SYNPR: variants seen among roughly 807,000 people sequenced by gnomAD.
The protein encoded by SYNPR is synaptoporin.
A neutral mutation model predicts 32.9 loss-of-function variants in SYNPR; 23 were observed. The observed-to-expected ratio is 0.70, with a 90% CI of 0.50 to 0.99. SYNPR has a LOEUF of 0.99. Among genes scored for constraint, SYNPR ranks in the 50% least tolerant of loss-of-function variants. The pLI is 0.00. For synonymous variants in SYNPR, 146 were observed against 135.9 expected, an observed-to-expected ratio of 1.07 and a Z score of -0.52; for missense variants, 318 against 349.3, an observed-to-expected ratio of 0.91 and a Z score of 0.71.
At chr3:63,546,188 G>A (rs1702399464) in intron 3 of SYNPR, among the ~76,000 whole-genome samples, 2 of 152,222 alleles carry the variant, frequency 1.3e-5, no homozygotes, top group East Asian at 3.9e-4. Context: ...TATTTGAAGA[G>A]CCAAAATTAA....
At chr3:63,404,686 T>A (rs2088337050) in intron 2 of SYNPR, among the ~76,000 whole-genome samples, 1 of 152,136 alleles carries the variant, frequency 6.6e-6, no homozygotes, top group Non-Finnish European at 1.5e-5. Context: ...TTAATTATAT[T>A]TATTTTCAAG....
At chr3:63,591,775 G>T (rs1213627939) in intron 4 of SYNPR, among the ~76,000 whole-genome samples, 25 of 119,556 alleles carry the variant, frequency 2.1e-4, no homozygotes, top group African/African-American at 7.7e-4. Flanking sequence ...ATGGACACAG[G>T]AAGGGGAATA....
chr3:63,458,591 G>C (rs1417060311), intron 2 of SYNPR, among the ~76,000 whole-genome samples: 3 of 152,124 alleles, frequency 2.0e-5, no homozygotes, highest in Non-Finnish European at 4.4e-5. Flanking sequence ...GGAACTCAGA[G>C]AATGCCACTT....
intron 3 of SYNPR, among the ~76,000 whole-genome samples, chr3:63,517,873 T>C (rs564803322): frequency 5.2e-4 from 79 of 152,260 alleles, no homozygotes; most frequent in Non-Finnish European, 2.1e-4. Context: ...TCTCTGTCCC[T>C]AAGAATTCAT....
chr3:63,307,132 T>C (rs1443920168), intron 2 of SYNPR, among the ~76,000 whole-genome samples: 1 of 151,986 alleles, frequency 6.6e-6, no homozygotes, highest in Non-Finnish European at 1.5e-5. Context: ...CCAAATTAGT[T>C]TTCACAATAA....
intron 2 of SYNPR, among the ~76,000 whole-genome samples, chr3:63,438,104 G>A (rs1700115858): frequency 6.6e-6 from 1 of 152,124 alleles, no homozygotes; most frequent in Admixed American, 6.6e-5. Flanking sequence ...CTTTGCTTTG[G>A]GCTGAGGATA....
intron 2 of SYNPR, among the ~76,000 whole-genome samples, chr3:63,261,403 C>T (rs1250146702): frequency 1.3e-5 from 2 of 151,668 alleles, no homozygotes; most frequent in African/African-American, 4.9e-5. Context: ...ATGATGAGTT[C>T]ATGTCCTTTG....
At chr3:63,416,392 C>T (rs779875014) in intron 2 of SYNPR, among the ~76,000 whole-genome samples, 35 of 152,014 alleles carry the variant, frequency 2.3e-4, no homozygotes, top group East Asian at 9.7e-4. Context: ...ATTAGCCAGG[C>T]GTGGTGGTGC....
chr3:63,568,808 A>G (rs954399133), intron 4 of SYNPR, among the ~76,000 whole-genome samples: 2 of 152,198 alleles, frequency 1.3e-5, no homozygotes, highest in Non-Finnish European at 2.9e-5. Context: ...AGCACATTCT[A>G]GACTTTCCGG....
chr3:63,529,135 G>T (rs1405941248), intron 3 of SYNPR, among the ~76,000 whole-genome samples: 1 of 152,186 alleles, frequency 6.6e-6, no homozygotes, highest in Non-Finnish European at 1.5e-5. Flanking sequence ...CACATAGAAG[G>T]AAGACAGTCA....
At chr3:63,530,258 C>CT (rs923443022) in intron 3 of SYNPR, among the ~76,000 whole-genome samples, 7 of 152,098 alleles carry the variant, frequency 4.6e-5, no homozygotes, top group South Asian at 2.1e-4. Flanking sequence ...CCTATTCTGC[C>CT]TTTTTTGTAG....
At chr3:63,297,856 G>A (rs1203521504) in intron 2 of SYNPR, among the ~76,000 whole-genome samples, 1 of 152,064 alleles carries the variant, frequency 6.6e-6, no homozygotes, top group Non-Finnish European at 1.5e-5. Context: ...ATGAGTCATG[G>A]GTCCAGGTGG....
chr3:63,275,610 T>C (rs147563168), upstream of SYNPR, among the ~76,000 whole-genome samples: 784 of 152,290 alleles, frequency 5.1e-3, 6 homozygotes, highest in African/African-American at 0.017. Context: ...AAGTAGGCAA[T>C]ATTTTAAATA....
At chr3:63,450,903 A>G (rs1338860797) in intron 2 of SYNPR, among the ~76,000 whole-genome samples, 2 of 152,158 alleles carry the variant, frequency 1.3e-5, no homozygotes, top group Non-Finnish European at 2.9e-5. Flanking sequence ...GCCAAGATAA[A>G]AGGCCTTTCA....
At chr3:63,231,259 T>A (rs1054439045) in intron 1 of SYNPR, among the ~76,000 whole-genome samples, 1 of 152,140 alleles carries the variant, frequency 6.6e-6, no homozygotes, top group African/African-American at 2.4e-5. Flanking sequence ...TAAAACCACT[T>A]ATAAGTGGGA....
intron 4 of SYNPR, among the ~76,000 whole-genome samples, chr3:63,608,647 C>G (rs1349137297): frequency 6.6e-6 from 1 of 152,072 alleles, no homozygotes; most frequent in Non-Finnish European, 1.5e-5. Context: ...AATCTTAAAC[C>G]ATTAGCAGAT....
At chr3:63,434,804 G>C (rs762225255) in intron 2 of SYNPR, among the ~76,000 whole-genome samples, 2 of 152,164 alleles carry the variant, frequency 1.3e-5, no homozygotes, top group Non-Finnish European at 2.9e-5. Flanking sequence ...AAAACAAACA[G>C]ATGTATCTCT....
intron 2 of SYNPR, among the ~76,000 whole-genome samples, chr3:63,256,227 CT>C (rs992760698): frequency 9.2e-5 from 14 of 152,340 alleles, no homozygotes; most frequent in African/African-American, 3.4e-4. Context: ...AGCAGTGGTT[CT>C]CCCAGCACGC....
At chr3:63,454,079 C>T (rs981624677) in intron 2 of SYNPR, among the ~76,000 whole-genome samples, 1 of 152,028 alleles carries the variant, frequency 6.6e-6, no homozygotes, top group African/African-American at 2.4e-5. Context: ...TAATAGTCTA[C>T]TAAGTACCAG....
Sources: gnomAD v4.1 joint callset for allele counts (sites outside exome capture counted in the v4.1 genomes callset) on GRCh38, gnomAD v4.1.1 for gene constraint, MANE v1.5 for transcripts, NCBI Gene and HGNC (gene_info 2026-07-23, HGNC 2026-07-21) for gene names.